PRKG1: variants seen among roughly 807,000 people sequenced by gnomAD.
PRKG1 encodes the protein protein kinase cGMP-dependent 1.
Under a neutral mutation model 88.1 loss-of-function variants are expected in PRKG1, and 35 were observed. The observed-to-expected ratio is 0.40, with a 90% CI of 0.30 to 0.53. The LOEUF is 0.53. PRKG1 is among the 20% of genes least tolerant of loss of function. The pLI, the probability that PRKG1 is intolerant of heterozygous loss-of-function variation, is 0.59. For missense variants in PRKG1, 540 were observed against 839.8 expected, an observed-to-expected ratio of 0.64 and a Z score of 4.41; for synonymous variants, 303 against 292.5, an observed-to-expected ratio of 1.04 and a Z score of -0.37.
At chr10:51,857,343 A>G (rs996927072) in intron 4 of PRKG1, among the ~76,000 whole-genome samples, 2 of 152,206 alleles carry the variant, frequency 1.3e-5, no homozygotes, top group African/African-American at 4.8e-5. Context: ...TCTAATACTA[A>G]TGTTCATTTG....
At chr10:51,445,061 G>A (rs562162161) in intron 2 of PRKG1, among the ~76,000 whole-genome samples, 4 of 151,816 alleles carry the variant, frequency 2.6e-5, no homozygotes, top group Admixed American at 1.3e-4. Flanking sequence ...TAGTGCTGTC[G>A]CCACTAGCCA....
chr10:52,216,487 G>A (rs1169461164), intron 9 of PRKG1, among the ~76,000 whole-genome samples: 1 of 152,204 alleles, frequency 6.6e-6, no homozygotes, highest in East Asian at 1.9e-4. Flanking sequence ...GTCAGAGTTA[G>A]ATGGAACATC....
intron 1 of PRKG1, among the ~76,000 whole-genome samples, chr10:51,087,868 G>A (rs899570555): frequency 5.3e-5 from 8 of 152,118 alleles, no homozygotes; most frequent in Non-Finnish European, 7.4e-5. Context: ...GGGATCAAGC[G>A]GTCCTCCTGC....
At chr10:52,223,690 G>A (rs933454128) in intron 9 of PRKG1, among the ~76,000 whole-genome samples, 2 of 152,000 alleles carry the variant, frequency 1.3e-5, no homozygotes, top group South Asian at 4.1e-4. Context: ...AATCCACTTG[G>A]ACAAATCATA....
intron 3 of PRKG1, among the ~76,000 whole-genome samples, chr10:51,580,613 A>G (rs1317771237): frequency 6.6e-6 from 1 of 152,162 alleles, no homozygotes; most frequent in African/African-American, 2.4e-5. Flanking sequence ...ACTTACCTAC[A>G]TTAGCTTAAT....
chr10:51,538,133 AT>A (rs1259087941), intron 3 of PRKG1, among the ~76,000 whole-genome samples: 1 of 152,096 alleles, frequency 6.6e-6, no homozygotes, highest in African/African-American at 2.4e-5. Context: ...ACACTGCACC[AT>A]TTCTCTCATG....
intron 3 of PRKG1, among the ~76,000 whole-genome samples, chr10:51,781,512 AC>A (rs1838587894): frequency 6.6e-6 from 1 of 152,190 alleles, no homozygotes; most frequent in Admixed American, 6.5e-5. Context: ...TTGGAAGCAG[AC>A]AAGCATTGCA....
intron 2 of PRKG1, among the ~76,000 whole-genome samples, chr10:51,381,900 A>G (rs976509546): frequency 9.9e-5 from 15 of 152,208 alleles, no homozygotes; most frequent in African/African-American, 3.6e-4. Flanking sequence ...CTTGTGTCAC[A>G]AGCTCTGGGA....
intron 2 of PRKG1, among the ~76,000 whole-genome samples, chr10:51,365,932 T>C (rs2132596766): frequency 6.6e-6 from 1 of 151,952 alleles, no homozygotes; most frequent in East Asian, 1.9e-4. Context: ...AAAATTGCTG[T>C]GTAAAAGAGA....
At chr10:51,368,379 A>G (rs983873314) in intron 2 of PRKG1, among the ~76,000 whole-genome samples, 5 of 152,150 alleles carry the variant, frequency 3.3e-5, no homozygotes, top group African/African-American at 9.6e-5. Context: ...CCTAGTAGAC[A>G]AGAACCTGCT....
chr10:51,293,874 C>T (rs563863980), intron 2 of PRKG1, among the ~76,000 whole-genome samples: 1 of 152,284 alleles, frequency 6.6e-6, no homozygotes, highest in South Asian at 2.1e-4. Flanking sequence ...GTTTTCTTCA[C>T]AACCTCACCA....
At chr10:51,185,291 G>T (rs1010281079) in intron 2 of PRKG1, among the ~76,000 whole-genome samples, 2 of 152,026 alleles carry the variant, frequency 1.3e-5, no homozygotes, top group Admixed American at 6.6e-5. Flanking sequence ...TGAATATTAA[G>T]TCTGCAATAA....
At chr10:52,191,308 G>A (rs1272598738) in intron 9 of PRKG1, among the ~76,000 whole-genome samples, 3 of 151,810 alleles carry the variant, frequency 2.0e-5, no homozygotes, top group African/African-American at 7.3e-5. Context: ...CAGCAGGAGT[G>A]GCAGGAGCCA....
chr10:51,948,696 A>C (rs1293292670), intron 5 of PRKG1, among the ~76,000 whole-genome samples: 1 of 152,154 alleles, frequency 6.6e-6, no homozygotes, highest in Admixed American at 6.5e-5. Flanking sequence ...TCAACGAGCC[A>C]ACTAGTTTGA....
intron 2 of PRKG1, among the ~76,000 whole-genome samples, chr10:51,158,034 TTGTAGC>T: frequency 6.6e-6 from 1 of 151,926 alleles, no homozygotes; most frequent in Non-Finnish European, 1.5e-5. Context: ...AATATCCTCC[TTGTAGC>T]TCTTTGGAAG....
At chr10:51,299,126 CCTGT>C (rs1292277219) in intron 2 of PRKG1, among the ~76,000 whole-genome samples, 1 of 152,126 alleles carries the variant, frequency 6.6e-6, no homozygotes, top group Non-Finnish European at 1.5e-5. Context: ...CACACACTTA[CCTGT>C]CTTTTTGCCT....
At chr10:51,237,037 AG>A (rs1839013869) in intron 2 of PRKG1, among the ~76,000 whole-genome samples, 1 of 152,200 alleles carries the variant, frequency 6.6e-6, no homozygotes, top group South Asian at 2.1e-4. Flanking sequence ...CTGTTGGGGC[AG>A]AACTATTAAC....
chr10:51,615,847 G>T (rs1589132956), intron 3 of PRKG1, among the ~76,000 whole-genome samples: 1 of 151,844 alleles, frequency 6.6e-6, no homozygotes, highest in African/African-American at 2.4e-5. Flanking sequence ...CTGTTCTGGA[G>T]AACTATTGTA....
chr10:51,843,608 A>C (rs1840332918), intron 4 of PRKG1, among the ~76,000 whole-genome samples: 1 of 152,166 alleles, frequency 6.6e-6, no homozygotes, highest in Admixed American at 6.6e-5. Context: ...TGCCACACTG[A>C]AGTAACAGCT....
Sources: gnomAD v4.1 joint callset for allele counts (sites outside exome capture counted in the v4.1 genomes callset) on GRCh38, gnomAD v4.1.1 for gene constraint, MANE v1.5 for transcripts, NCBI Gene and HGNC (gene_info 2026-07-23, HGNC 2026-07-21) for gene names.